SKAP2: variants seen among roughly 807,000 people sequenced by gnomAD.
The protein encoded by SKAP2 is src kinase-associated phosphoprotein 2.
Under a neutral mutation model 54.9 loss-of-function variants are expected in SKAP2, and 28 were observed. That is an observed-to-expected ratio of 0.51 (90% confidence interval 0.38 to 0.70). SKAP2 has a LOEUF of 0.70. Ranked by LOEUF, SKAP2 falls within the 30% of genes least tolerant of loss-of-function variation. The probability of loss-of-function intolerance (pLI) is 0.00; values close to 1 mark genes in which losing one functional copy is unlikely to be tolerated. For synonymous variants in SKAP2, 137 were observed against 134.3 expected (o/e 1.02, Z -0.14); for missense variants, 356 against 424.1 (o/e 0.84, Z 1.41).
chr7:26,826,374 AC>A lies in SKAP2; in HGVS notation c.307+17655del, dbSNP rs930283448. On this transcript the variant is annotated intron_variant, in intron 4 of 12. Coordinates refer to ENST00000345317, the MANE Select transcript of SKAP2 (RefSeq NM_003930.5). ...AATACTCATTACAGTTTGAACACCTACCTGGATCTAGGTGGGCAAGAGGCAA... is the reference window on the plus strand; with the variant it reads ...AATACTCATTACAGTTTGAACACCTACTGGATCTAGGTGGGCAAGAGGCAA... Among the ~76,000 whole-genome samples, 7 of 152,166 alleles carry A rather than the reference AC, an allele frequency of 4.6e-5. No homozygotes were observed. The East Asian group carries it at 7.7e-4, about 17-fold the overall frequency.
At chr7:26,856,126 A>G (rs2127998950) in intron 1 of SKAP2, among the ~76,000 whole-genome samples, 1 of 152,266 alleles carries the variant, frequency 6.6e-6, no homozygotes, top group South Asian at 2.1e-4. Context: ...TTCATAATAA[A>G]TGTGTACAGG....
intron 11 of SKAP2, among the ~76,000 whole-genome samples, chr7:26,671,819 A>G (rs1786249782): frequency 6.6e-6 from 1 of 152,056 alleles, no homozygotes; most frequent in Non-Finnish European, 1.5e-5. Flanking sequence ...TCAGAAGAAA[A>G]TACTAACTTA....
chr7:26,694,641 G>A (rs1027575537), intron 9 of SKAP2, among the ~76,000 whole-genome samples: 1 of 150,458 alleles, frequency 6.6e-6, no homozygotes, highest in African/African-American at 2.4e-5. Flanking sequence ...ACTTCCAGGA[G>A]CAATCAGACC....
At chr7:26,684,655 C>A in intron 11 of SKAP2, 81 bp downstream of exon 11, 1 of 782,542 alleles carries the variant, frequency 1.3e-6, no homozygotes, top group South Asian at 1.6e-5. Flanking sequence ...GCATTCTTCC[C>A]TAGCTCTGTA....
intron 11 of SKAP2, among the ~76,000 whole-genome samples, chr7:26,674,206 C>T (rs1786301627): frequency 6.6e-6 from 1 of 152,126 alleles, no homozygotes; most frequent in Admixed American, 6.6e-5. Flanking sequence ...CTTCAAAACA[C>T]ACCAGCCTTT....
intron 4 of SKAP2, among the ~76,000 whole-genome samples, chr7:26,788,833 C>T (rs1430416005): frequency 6.6e-6 from 1 of 152,080 alleles, no homozygotes; most frequent in Admixed American, 6.6e-5. Context: ...CGCACACACA[C>T]ACACACAAAT....
At chr7:26,838,363 T>C (rs2127994246) in intron 4 of SKAP2, among the ~76,000 whole-genome samples, 1 of 152,238 alleles carries the variant, frequency 6.6e-6, no homozygotes, top group South Asian at 2.1e-4. Context: ...TCACCTCACC[T>C]CACTGCCACC....
At chr7:26,849,288 G>A (rs1234937599) in intron 3 of SKAP2, among the ~76,000 whole-genome samples, 1 of 152,026 alleles carries the variant, frequency 6.6e-6, no homozygotes, top group African/African-American at 2.4e-5. Flanking sequence ...AAATATTAAG[G>A]CAAAATCTAT....
chr7:26,761,785 G>C (rs1181553248), intron 4 of SKAP2, among the ~76,000 whole-genome samples: 1 of 152,102 alleles, frequency 6.6e-6, no homozygotes, highest in African/African-American at 2.4e-5. Context: ...CTGTAATCCC[G>C]GCAACTCGGG....
chr7:26,780,900 C>T (rs183149586), intron 4 of SKAP2, among the ~76,000 whole-genome samples: 2 of 152,150 alleles, frequency 1.3e-5, no homozygotes, highest in African/African-American at 4.8e-5. Flanking sequence ...TAAACCAGTG[C>T]AAAAAGGCTA....
chr7:26,726,509 T>C (rs982819880), intron 7 of SKAP2, among the ~76,000 whole-genome samples: 1 of 152,130 alleles, frequency 6.6e-6, no homozygotes, highest in Non-Finnish European at 1.5e-5. Flanking sequence ...TCCTAAGCAA[T>C]ACAATATGTA....
intron 4 of SKAP2, chr7:26,742,581 T>C (rs1782476121): frequency 6.6e-6 from 1 of 152,200 alleles, no homozygotes; most frequent in Admixed American, 6.5e-5. Context: ...TTCTGAATTC[T>C]AAATTCATGT....
At chr7:26,860,103 AT>A (rs1165997320) in intron 1 of SKAP2, among the ~76,000 whole-genome samples, 5 of 152,160 alleles carry the variant, frequency 3.3e-5, no homozygotes, top group East Asian at 1.9e-4. Flanking sequence ...TATAATGCTA[AT>A]TTTTTAATAT....
At position 26,668,334 on chromosome 7, in the gene SKAP2, T is replaced by TG. The variant is rs1786152214; in HGVS notation, c.*1331dup. 1 of 152,242 alleles carries TG rather than the reference T, an allele frequency of 6.6e-6. No homozygotes were observed. Among genetic ancestry groups the TG allele is most frequent in the Admixed American group, 6.5e-5 (1 of 15,286 alleles). The allele number at this position is 152,242 out of a possible 1,614,324, so 9.4% of individuals were successfully genotyped here. A position where few individuals can be genotyped will look rare whatever the true frequency, so the allele number is the denominator to read the frequency against. On this transcript the variant is annotated 3_prime_UTR_variant, in exon 13 of 13. Transcript: ENST00000345317. ...ATTTTGACATATGTTAAGGCTACAT[T>TG]GGTATCTCATAGGTATTTTAAACAC... is the stretch of plus-strand genomic sequence containing the variant.
intron 11 of SKAP2, among the ~76,000 whole-genome samples, chr7:26,671,485 C>T (rs3757654): frequency 0.18 from 27,321 of 151,780 alleles, 3,062 homozygotes; most frequent in Non-Finnish European, 0.25. Context: ...ATTACATTAG[C>T]GTGTATGTAT....
At chr7:26,753,344 G>A (rs2127967405) in intron 4 of SKAP2, among the ~76,000 whole-genome samples, 1 of 152,288 alleles carries the variant, frequency 6.6e-6, no homozygotes, top group South Asian at 2.1e-4. Flanking sequence ...TCTTTCAAAT[G>A]TAGAAGTATA....
downstream of SKAP2, among the ~76,000 whole-genome samples, chr7:26,664,981 G>C (rs1786080497): frequency 6.6e-6 from 1 of 152,262 alleles, no homozygotes; most frequent in East Asian, 1.9e-4. Flanking sequence ...AAGCACTCAA[G>C]TTAACATAAT....
chr7:26,804,574 A>G (rs1783985873), intron 4 of SKAP2, among the ~76,000 whole-genome samples: 1 of 152,036 alleles, frequency 6.6e-6, no homozygotes, highest in African/African-American at 2.4e-5. Flanking sequence ...CGCTGTCTCT[A>G]TTAAAATTAC....
In SKAP2 at chr7:26,853,922, C is replaced by A. The variant is rs542780021; in HGVS notation, c.199+215G>T. Among the ~76,000 whole-genome samples the A allele has an allele frequency of 2.0e-5, 3 of 152,212 alleles. No homozygotes were observed. In the South Asian group the frequency reaches 6.2e-4, roughly 32 times the overall value. ...AAGAATGTTAAATGCCTAAGATTTC[C>A]GCATCAGAAGACTGTGCAGAGTAAA... On this transcript the variant is annotated intron_variant, in intron 3 of 12. Coordinates refer to ENST00000345317, the MANE Select transcript of SKAP2 (RefSeq NM_003930.5).
Sources: gnomAD v4.1 joint callset for allele counts (sites outside exome capture counted in the v4.1 genomes callset) on GRCh38, gnomAD v4.1.1 for gene constraint, MANE v1.5 for transcripts, NCBI Gene and HGNC (gene_info 2026-07-23, HGNC 2026-07-21) for gene names.